Variants in NAV3 observed in about 807,000 individuals in gnomAD.
The protein encoded by NAV3 is neuron navigator 3, also known as pore membrane and/or filament interacting like protein 1.
Under a neutral mutation model 244.7 loss-of-function variants are expected in NAV3, and 87 were observed. That is an observed-to-expected ratio of 0.36 (90% confidence interval 0.30 to 0.42). NAV3 has a LOEUF of 0.42. Among genes scored for constraint, NAV3 ranks in the 20% least tolerant of loss-of-function variants. NAV3 has a pLI of 1.00. For synonymous variants in NAV3, 1,126 were observed against 1,042.2 expected (o/e 1.08, Z -1.55); for missense variants, 2,663 against 2,893.3 (o/e 0.92, Z 1.83).
At chr12:77,876,175 GA>G (rs1169328955) in intron 1 of NAV3, among the ~76,000 whole-genome samples, 1 of 151,966 alleles carries the variant, frequency 6.6e-6, no homozygotes, top group Non-Finnish European at 1.5e-5. Flanking sequence ...TTTTGGATAT[GA>G]AATTTACACC....
Position 77,940,328 on chromosome 12 carries a change from G to T in NAV3, c.253G>T (p.Asp85Tyr). The T allele has an allele frequency of 6.2e-7, 1 of 1,613,314 alleles. No homozygotes were observed. Among genetic ancestry groups the T allele is most frequent in the South Asian group, 1.1e-5 (1 of 91,010 alleles). ...KEKEDSKIYTDWANHYLAKSG... is the reference protein window; with the variant it reads ...KEKEDSKIYTYWANHYLAKSG... Reference sequence around the variant, plus strand: ...TCTCTCTGTTCAACAGATTTACACTGACTGGGCCAACCACTACCTAGCAAA... The same window carrying T: ...TCTCTCTGTTCAACAGATTTACACTTACTGGGCCAACCACTACCTAGCAAA... Residue 85 changes from aspartate (D) to tyrosine (Y), a missense_variant, in exon 2 of 40, where the codon GAC becomes TAC. Asp to Tyr is a radical substitution (Grantham distance 160). Transcript: ENST00000397909.
intron 2 of NAV3, among the ~76,000 whole-genome samples, chr12:77,739,405 CTTAG>C (rs35704465): frequency 0.058 from 8,779 of 152,160 alleles, 691 homozygotes; most frequent in African/African-American, 0.18. Flanking sequence ...CATATCTATA[CTTAG>C]TTAGTATGTT....
chr12:77,654,439 C>T (rs1343512469), intron 2 of NAV3, among the ~76,000 whole-genome samples: 9 of 152,298 alleles, frequency 5.9e-5, no homozygotes, highest in African/African-American at 2.2e-4. Context: ...CTTAGGTAAA[C>T]AAAGCAGTCA....
At position 77,806,532 on chromosome 12, in the gene NAV3, T is replaced by A. The variant is rs1871989496; in HGVS notation, c.73-133787T>A. Among the ~76,000 whole-genome samples the A allele has an allele frequency of 3.9e-5, 6 of 152,156 alleles. No homozygotes were observed. The South Asian group carries it at 1.0e-3, about 26-fold the overall frequency. On this transcript the variant is annotated intron_variant, in intron 2 of 8. Transcript: ENST00000550042. Reference sequence around the variant, plus strand: ...TTGATTGCACTGTTGTCTGAGAGACTGTTTGTTTTGATTTCCATTATTTTG... The same window carrying A: ...TTGATTGCACTGTTGTCTGAGAGACAGTTTGTTTTGATTTCCATTATTTTG...
rs1214933751 is a variant in NAV3, at chr12:77,691,333, G to GTATATATATATATATA, written c.72+119068_72+119069insATATATATATATATAT. 4.8e-3 allele frequency among the ~76,000 whole-genome samples: 487 copies of GTATATATATATATATA among 100,822 alleles called. 13 individuals carry two copies. Among genetic ancestry groups the GTATATATATATATATA allele is most frequent in the African/African-American group, 0.018 (470 of 25,994 alleles). The allele number at this position is 100,822 out of a possible 152,430, so 66.1% of individuals were successfully genotyped here. On this transcript the variant is annotated intron_variant, in intron 2 of 8. Coordinates refer to the NAV3 transcript ENST00000550042. ...TAGTCATATATAAGTATTTGTGTAT[G>GTATATATATATATATA]TGTGTATATATATATATATATACAT...
intron 38 of NAV3, 53 bp downstream of exon 38, chr12:78,200,644 A>C: frequency 8.9e-7 from 1 of 1,120,532 alleles, no homozygotes; most frequent in Non-Finnish European, 1.2e-6. Context: ...AAAGCAAAAA[A>C]AATTACTTTA....
At chr12:78,097,189 A>G (rs1954297002) in intron 12 of NAV3, among the ~76,000 whole-genome samples, 1 of 151,952 alleles carries the variant, frequency 6.6e-6, no homozygotes, top group African/African-American at 2.4e-5. Context: ...GAAAATTAAG[A>G]CATCTGGTCA....
intron 2 of NAV3, among the ~76,000 whole-genome samples, chr12:77,718,488 T>A (rs556465133): frequency 2.0e-5 from 3 of 152,134 alleles, no homozygotes; most frequent in Non-Finnish European, 4.4e-5. Context: ...CTTTGTAATA[T>A]GTTTGGAGGT....
intron 1 of NAV3, among the ~76,000 whole-genome samples, chr12:77,878,837 C>A (rs1399950693): frequency 6.6e-6 from 1 of 151,586 alleles, no homozygotes; most frequent in Non-Finnish European, 1.5e-5. Flanking sequence ...TTGAAATAGT[C>A]TTTGGCAGTG....
intron 1 of NAV3, among the ~76,000 whole-genome samples, chr12:77,833,371 A>G (rs1277455271): frequency 1.3e-5 from 2 of 152,218 alleles, no homozygotes; most frequent in Non-Finnish European, 2.9e-5. Context: ...AGAAGGATTC[A>G]GTTAAGTTTG....
At chr12:77,919,590 A>G (rs1205840017) in intron 1 of NAV3, among the ~76,000 whole-genome samples, 2 of 152,012 alleles carry the variant, frequency 1.3e-5, no homozygotes, top group Non-Finnish European at 2.9e-5. Context: ...AAGTATTCCA[A>G]AGTCTGTAAT....
chr12:78,182,148 G>T (rs1440490232), intron 30 of NAV3, among the ~76,000 whole-genome samples: 1 of 152,010 alleles, frequency 6.6e-6, no homozygotes, highest in Admixed American at 6.6e-5. Flanking sequence ...AGAATTAAAT[G>T]AACTTATAGA....
intron 2 of NAV3, among the ~76,000 whole-genome samples, chr12:77,776,731 A>G (rs1870379447): frequency 6.6e-6 from 1 of 152,210 alleles, no homozygotes; most frequent in Admixed American, 6.5e-5. Context: ...AATAGGAACG[A>G]ATATGCAGGG....
chr12:77,932,303 A>G (rs1242276), intron 1 of NAV3, among the ~76,000 whole-genome samples: 127,208 of 152,026 alleles, frequency 0.84, 53,368 homozygotes, highest in East Asian at 0.98. Context: ...TAGGCCGGCA[A>G]CAATATAACT....
intron 38 of NAV3, 34 bp downstream of exon 38, chr12:78,200,625 T>A (rs3214044): frequency 0.42 from 432,271 of 1,028,802 alleles, 71,380 homozygotes; most frequent in East Asian, 0.67. Flanking sequence ...TATTTTTTTT[T>A]AAAAAAAAAA....
intron 2 of NAV3, among the ~76,000 whole-genome samples, chr12:77,685,061 G>A (rs1874654649): frequency 6.6e-6 from 1 of 152,104 alleles, no homozygotes; most frequent in African/African-American, 2.4e-5. Context: ...CTTAATGTCA[G>A]ATTGCTCCTC....
At chr12:77,575,080 A>G (rs889798812) in intron 2 of NAV3, among the ~76,000 whole-genome samples, 2 of 149,492 alleles carry the variant, frequency 1.3e-5, no homozygotes, top group African/African-American at 4.9e-5. Flanking sequence ...TATTTAAAAT[A>G]TATATGCTAT....
chr12:78,166,892 A>G (rs139243105), intron 23 of NAV3, among the ~76,000 whole-genome samples: 2 of 151,878 alleles, frequency 1.3e-5, no homozygotes, highest in South Asian at 2.1e-4. Flanking sequence ...AAATGTTTTA[A>G]CAGATTTTAA....
chr12:78,169,084 T>A (rs2139560537), intron 24 of NAV3, among the ~76,000 whole-genome samples: 1 of 151,892 alleles, frequency 6.6e-6, no homozygotes, highest in African/African-American at 2.4e-5. Context: ...ACTTCCATTA[T>A]CAGATAATTT....
Sources: gnomAD v4.1 joint callset for allele counts (sites outside exome capture counted in the v4.1 genomes callset) on GRCh38, gnomAD v4.1.1 for gene constraint, MANE v1.5 for transcripts, NCBI Gene and HGNC (gene_info 2026-07-23, HGNC 2026-07-21) for gene names.